The following CEP131 variants were observed in gnomAD, a reference collection of about 807,000 sequenced individuals.
CEP131 encodes the protein centrosomal protein of 131 kDa.
CEP131 carries 99 observed loss-of-function variants against 136.8 expected under a neutral mutation model. That is an observed-to-expected ratio of 0.72 (90% CI 0.62 to 0.86). The LOEUF (loss-of-function observed/expected upper bound fraction) is 0.86. CEP131 is among the 40% of genes least tolerant of loss of function. The pLI, the probability that CEP131 is intolerant of heterozygous loss-of-function variation, is 0.00. For synonymous variants in CEP131, 646 were observed against 612.7 expected, an observed-to-expected ratio of 1.05 and a Z score of -0.80; for missense variants, 1,459 against 1,463.0, an observed-to-expected ratio of 1.00 and a Z score of 0.04.
In CEP131 at chr17:81,202,297, GTATTGT is replaced by G; in HGVS notation, c.725_730del (p.Asn242_Asn243del). On this transcript the variant is annotated inframe_deletion, in exon 7 of 26. Transcript: ENST00000450824. ...CCTGGGCAAGCCCGTGCTGCCCCCA[GTATTGT>G]TCCGGGCTGAGTGGGTGGCACTGGA... is the stretch of plus-strand genomic sequence containing the variant. The G allele has an allele frequency of 6.2e-7, 1 of 1,611,672 alleles. No homozygotes were observed.
rs925000167 is a variant in CEP131 at position 81,208,183 on chromosome 17, G to A, written c.272+745C>T. Among the ~76,000 whole-genome samples the A allele has an allele frequency of 8.6e-5, 13 of 150,990 alleles. No individual in the cohort carries two copies. Among genetic ancestry groups the A allele is most frequent in the East Asian group, 2.0e-4 (1 of 5,066 alleles). On this transcript the variant is annotated intron_variant, in intron 3 of 25. Coordinates refer to ENST00000450824, the MANE Select transcript of CEP131 (RefSeq NM_014984.4). This position sits in a 1 kb window ranked among gnomAD's most constrained non-coding sequence, Gnocchi z 5.6. ...AGTCCCTTGCTTGGTGGGACTCCAC[G>A]AAGCTAGTTGCTGAGCTAAGAGCGG...
intron 8 of CEP131, 182 bp from the exon 9 acceptor site, chr17:81,200,017 G>T: frequency 1.5e-6 from 1 of 652,794 alleles, no homozygotes; most frequent in Non-Finnish European, 2.7e-6. Flanking sequence ...CAGAGGATGA[G>T]CCCTACGTCG....
intron 22 of CEP131, 25 bp downstream of exon 22, chr17:81,191,168 T>G (rs1175596573): frequency 1.2e-6 from 2 of 1,610,708 alleles, no homozygotes; most frequent in African/African-American, 2.7e-5. Flanking sequence ...CCCCAGCTGG[T>G]GACCCAGCCA....
chr17:81,198,428 G>T, intron 11 of CEP131, 131 bp from the exon 12 acceptor site: 2 of 969,216 alleles, frequency 2.1e-6, no homozygotes, highest in Non-Finnish European at 3.0e-6. Context: ...GCCCCAGGAA[G>T]GTGAGGCCAG....
intron 8 of CEP131, 115 bp downstream of exon 8, chr17:81,200,214 G>A (rs1160507464): frequency 1.2e-5 from 10 of 816,376 alleles, no homozygotes; most frequent in African/African-American, 5.2e-5. Flanking sequence ...ACCCAGAGAC[G>A]GGGCCCACGA....
chr17:81,189,707 G>A lies in CEP131; in HGVS notation c.*62C>T. 2 of 1,500,568 alleles carry A rather than the reference G, an allele frequency of 1.3e-6. No individual in the cohort carries two copies. Among genetic ancestry groups the A allele is most frequent in the Non-Finnish European group, 1.8e-6 (2 of 1,120,754 alleles). 93.0% of individuals were successfully genotyped at this position (1,500,568 alleles called of 1,614,324 possible). ...AGGTGGGCGTCCCTGTGGGCCTCTG[G>A]GCCCACGTCCAGCCTCTGTCCTCTG... is the stretch of plus-strand genomic sequence containing the variant. On this transcript the variant is annotated 3_prime_UTR_variant, in exon 26 of 26. Coordinates refer to ENST00000450824, the MANE Select transcript of CEP131 (RefSeq NM_014984.4).
intron 1 of CEP131, among the ~76,000 whole-genome samples, chr17:81,220,449 G>A (rs544671642): frequency 6.6e-5 from 10 of 152,284 alleles, no homozygotes; most frequent in Admixed American, 4.6e-4. Flanking sequence ...TCACTGCCCC[G>A]AGCCCCACTG....
chr17:81,220,136 C>T (rs1041538308), intron 1 of CEP131, 63 bp from the exon 2 acceptor site: 5 of 1,308,158 alleles, frequency 3.8e-6, no homozygotes, highest in African/African-American at 1.5e-5. Context: ...CCTGCACCCA[C>T]CATCTCCAGC....
Position 81,191,260 on chromosome 17 carries a change from C to A in CEP131, c.2698G>T (p.Val900Phe). Reference protein sequence around the residue: ...RKGRDKEIELVIHRLEADMAL... With the variant: ...RKGRDKEIELFIHRLEADMAL... ...ATGTCGGCCTCCAGCCGGTGAATGA[C>A]CAGCTCAATCTCCTTGTCCCGGCCT... The change falls in exon 22 of 26, where the codon GTC (valine) becomes TTC (phenylalanine). Residue 900 changes from valine to phenylalanine, a missense_variant. Val to Phe is a conservative substitution (Grantham distance 50). Coordinates refer to ENST00000450824, the MANE Select transcript of CEP131 (RefSeq NM_014984.4). The A allele has an allele frequency of 6.2e-7, 1 of 1,613,544 alleles. No homozygotes were observed. Among genetic ancestry groups the A allele is most frequent in the Admixed American group, 1.7e-5 (1 of 60,026 alleles).
rs911286707 is a variant in CEP131 at position 81,219,573 on chromosome 17, C to T, written c.177+307G>A. ...TCGGCCTCCCAAAGTGCTGAGATTA[C>T]AGGCGTGAGCCACCGAGCCCAGCCA... On this transcript the variant is annotated intron_variant, in intron 2 of 25. Coordinates refer to ENST00000450824, the MANE Select transcript of CEP131 (RefSeq NM_014984.4). This position sits in a 1 kb window ranked among gnomAD's most constrained non-coding sequence, Gnocchi z 4.0. Among the ~76,000 whole-genome samples the T allele has an allele frequency of 6.6e-6, 1 of 152,106 alleles. No individual in the cohort carries two copies. The highest frequency in any genetic ancestry group is 1.5e-5 in the Non-Finnish European group (1 of 68,026).
chr17:81,220,789 C>T (rs1598333477), intron 1 of CEP131, among the ~76,000 whole-genome samples: 1 of 152,068 alleles, frequency 6.6e-6, no homozygotes, highest in Non-Finnish European at 1.5e-5. Flanking sequence ...GCATGAGCCA[C>T]CGTACCCGGC....
At chr17:81,210,627 A>G (rs1362861046) in intron 2 of CEP131, among the ~76,000 whole-genome samples, 5 of 152,114 alleles carry the variant, frequency 3.3e-5, no homozygotes, top group Non-Finnish European at 7.4e-5. Context: ...CTCACAGTCC[A>G]GTGGGAAACG....
At chr17:81,213,991 G>C (rs371826801) in intron 2 of CEP131, among the ~76,000 whole-genome samples, 4 of 152,212 alleles carry the variant, frequency 2.6e-5, no homozygotes, top group South Asian at 2.1e-4. Flanking sequence ...CAAAAACAAG[G>C]AGAGTCTGAG....
intron 13 of CEP131, 139 bp downstream of exon 13, chr17:81,197,573 G>A: frequency 7.8e-7 from 1 of 1,276,398 alleles, no homozygotes; most frequent in Non-Finnish European, 1.0e-6. Context: ...CTGGGGGCCG[G>A]GTGGGGGCTG....
chr17:81,206,521 C>T (rs1212541070), intron 5 of CEP131, among the ~76,000 whole-genome samples: 2 of 152,120 alleles, frequency 1.3e-5, no homozygotes, highest in African/African-American at 4.8e-5. Context: ...AGGCCTGAAA[C>T]TCTTTAAGAG....
In CEP131 at chr17:81,208,923, G is replaced by GTAAA; in HGVS notation, c.272+4_272+5insTTTA. ...CCAGGGTTATCCAAGGGCCTTAGGG[G>GTAAA]TTACCTGGGGGAGCCGCTCCGAGGC... On this transcript the variant is annotated splice_donor_region_variant and intron_variant, in intron 3 of 25. Transcript: ENST00000450824. The surrounding 1 kb of genome is among the most constrained non-coding windows in gnomAD (Gnocchi z 5.6). The GTAAA allele has an allele frequency of 6.2e-7, 1 of 1,612,528 alleles. No homozygotes were observed. Among genetic ancestry groups the GTAAA allele is most frequent in the Non-Finnish European group, 8.5e-7 (1 of 1,179,250 alleles).
intron 2 of CEP131, among the ~76,000 whole-genome samples, chr17:81,218,178 G>A (rs1484540592): frequency 6.6e-6 from 1 of 152,184 alleles, no homozygotes; most frequent in African/African-American, 2.4e-5. Context: ...GAGTAGCTGG[G>A]ATTAAGGGTG....
intron 15 of CEP131, 104 bp downstream of exon 15, chr17:81,196,597 C>A (rs927066043): frequency 8.8e-6 from 13 of 1,471,444 alleles, no homozygotes; most frequent in Non-Finnish European, 9.9e-6. Flanking sequence ...CCGTGTGACA[C>A]CCAACAGAGG....
intron 18 of CEP131, 111 bp downstream of exon 18, chr17:81,193,815 C>T: frequency 8.2e-7 from 1 of 1,223,916 alleles, no homozygotes; most frequent in South Asian, 1.5e-5. Context: ...TCCCTGCATG[C>T]TGCACTAAGA....
Sources: gnomAD v4.1 joint callset for allele counts (sites outside exome capture counted in the v4.1 genomes callset) on GRCh38, gnomAD v4.1.1 for gene constraint, Gnocchi (gnomAD v3.1) non-coding constraint, MANE v1.5 for transcripts, NCBI Gene and HGNC (gene_info 2026-07-23, HGNC 2026-07-21) for gene names.